The following PPP4R1 variants were observed in gnomAD, a reference collection of about 807,000 sequenced individuals.
PPP4R1 encodes the protein protein phosphatase 4 regulatory subunit 1.
In PPP4R1, 42 loss-of-function variants were observed where a neutral mutation model predicts 111.2. The ratio of observed to expected loss-of-function variants is 0.38; its 90% CI spans 0.29 to 0.49. The LOEUF (loss-of-function observed/expected upper bound fraction) is 0.49. Among genes scored for constraint, PPP4R1 ranks in the 20% least tolerant of loss-of-function variants. PPP4R1 has a pLI of 0.97. For missense variants in PPP4R1, 1,012 were observed against 1,161.6 expected (o/e 0.87, Z 1.87); for synonymous variants, 409 against 405.5 (o/e 1.01, Z -0.10).
intron 2 of PPP4R1, among the ~76,000 whole-genome samples, chr18:9,597,400 A>G (rs1448212743): frequency 6.6e-6 from 1 of 152,234 alleles, no homozygotes; most frequent in East Asian, 1.9e-4. Context: ...AGTATCAGAG[A>G]GGAGGGACCT....
In PPP4R1 at chr18:9,549,246, G is replaced by A. The variant is rs761567359; in HGVS notation, c.2640C>T (p.Asn880=). Residue 880 remains asparagine, a synonymous_variant, in exon 19 of 20, where the codon AAC becomes AAT. Coordinates refer to ENST00000400556, the MANE Select transcript of PPP4R1 (RefSeq NM_001042388.3). Reference sequence around the variant, plus strand: ...ATGTCTTTGCAAGCAGCACTCGCACGTTAGGAACCCTGTCATTTGCTAAGG... The same window carrying A: ...ATGTCTTTGCAAGCAGCACTCGCACATTAGGAACCCTGTCATTTGCTAAGG... The part of the protein sequence containing the change: ...LLTLANDRVP[N]VRVLLAKTLR... 1.4e-5 allele frequency: 22 copies of A among 1,613,920 alleles called. No homozygotes were observed. The highest frequency in any genetic ancestry group is 1.2e-4 in the African/African-American group (9 of 74,914).
intron 15 of PPP4R1, among the ~76,000 whole-genome samples, chr18:9,554,749 G>A (rs1000406362): frequency 6.6e-6 from 1 of 152,192 alleles, no homozygotes; most frequent in Non-Finnish European, 1.5e-5. Flanking sequence ...GCTGACTCCA[G>A]GCTGGGACAG....
At chr18:9,576,394 ATATAT>A (rs1311965071) in intron 10 of PPP4R1, among the ~76,000 whole-genome samples, 3 of 152,012 alleles carry the variant, frequency 2.0e-5, no homozygotes, top group Non-Finnish European at 4.4e-5. Flanking sequence ...TCCCCTAAAT[ATATAT>A]TATAATAAAT....
intron 13 of PPP4R1, among the ~76,000 whole-genome samples, chr18:9,561,218 C>CTAATAATAATAATAA (rs111924050): frequency 6.5e-5 from 9 of 139,112 alleles, no homozygotes; most frequent in Admixed American, 3.6e-4. Context: ...GACTCCATCT[C>CTAATAATAATAATAA]TAATAATAAT....
intron 2 of PPP4R1, among the ~76,000 whole-genome samples, chr18:9,607,783 C>CTT (rs59033925): frequency 1.1e-4 from 14 of 125,336 alleles, no homozygotes; most frequent in Middle Eastern, 4.3e-3. Context: ...TTCTTTCTTT[C>CTT]TTTTTTTTTT....
intron 8 of PPP4R1, among the ~76,000 whole-genome samples, chr18:9,584,258 T>C (rs1482328703): frequency 1.3e-5 from 2 of 152,178 alleles, no homozygotes; most frequent in Admixed American, 1.3e-4. Context: ...TAAGTAAGAA[T>C]TGATTTGCTT....
intron 11 of PPP4R1, among the ~76,000 whole-genome samples, chr18:9,568,967 A>T (rs1252510915): frequency 1.3e-5 from 2 of 151,910 alleles, no homozygotes; most frequent in Non-Finnish European, 2.9e-5. Flanking sequence ...CCCAGGAGGC[A>T]GTGGTTGCAG....
At chr18:9,595,200 ATGTACCCCTTGC>A in intron 2 of PPP4R1, 47 bp from the exon 3 acceptor site, 1 of 1,583,344 alleles carries the variant, frequency 6.3e-7, no homozygotes, top group East Asian at 2.2e-5. Context: ...TGAAACTAAA[ATGTACCCCTTGC>A]CTGTCTGAAG....
rs569652171 is a variant in PPP4R1 at position 9,572,267 on chromosome 18, T to C, written c.1047-1584A>G. Among the ~76,000 whole-genome samples the C allele has an allele frequency of 2.0e-5, 3 of 152,036 alleles. No homozygotes were observed. In the East Asian group the frequency reaches 5.8e-4, roughly 29 times the overall value. ...CTGACATATGCGGAGGCAACAAGTA[T>C]TAATAAAGAATAACACAACTGCATA... On this transcript the variant is annotated intron_variant, in intron 10 of 19. Coordinates refer to ENST00000400556, the MANE Select transcript of PPP4R1 (RefSeq NM_001042388.3).
intron 11 of PPP4R1, among the ~76,000 whole-genome samples, chr18:9,566,657 AC>A (rs2066771630): frequency 1.5e-5 from 1 of 66,060 alleles, no homozygotes; most frequent in African/African-American, 6.7e-5. Flanking sequence ...TGACACACAC[AC>A]ACACACACAC....
chr18:9,551,869 C>T, intron 16 of PPP4R1: 1 of 152,520 alleles, frequency 6.6e-6, no homozygotes, highest in Non-Finnish European at 1.5e-5. Flanking sequence ...GGTACCCCAG[C>T]TGCCACCCTC....
rs144473999 is a variant in PPP4R1, at chr18:9,578,946, T to C, written c.919-1755A>G. 5.4e-3 allele frequency among the ~76,000 whole-genome samples: 822 copies of C among 152,332 alleles called. 5 individuals are homozygous for C. The highest frequency in any genetic ancestry group is 8.8e-3 in the Non-Finnish European group (597 of 68,020). On this transcript the variant is annotated intron_variant, in intron 9 of 19. Transcript: ENST00000400556. ...TAAAGGACATAGAAAACTTAATTTATCTAAATCATTAGTTTAGCTTGTTGT... is the reference window on the plus strand; with the variant it reads ...TAAAGGACATAGAAAACTTAATTTACCTAAATCATTAGTTTAGCTTGTTGT...
chr18:9,558,553 T>C (rs960846975), intron 14 of PPP4R1, among the ~76,000 whole-genome samples: 19 of 152,268 alleles, frequency 1.2e-4, no homozygotes, highest in Non-Finnish European at 2.9e-5. Flanking sequence ...CCTAACCTCA[T>C]AGGTCAAAGG....
chr18:9,608,831 G>A (rs2067528454), intron 2 of PPP4R1, among the ~76,000 whole-genome samples: 2 of 152,298 alleles, frequency 1.3e-5, no homozygotes, highest in Middle Eastern at 3.4e-3. Flanking sequence ...ATTGTTTTGA[G>A]GAGACTGAGA....
At chr18:9,569,562 G>A (rs1173634088) in intron 11 of PPP4R1, among the ~76,000 whole-genome samples, 3 of 152,166 alleles carry the variant, frequency 2.0e-5, no homozygotes, top group Non-Finnish European at 4.4e-5. Flanking sequence ...AACTTTCAAA[G>A]AGAGTGATTT....
intron 11 of PPP4R1, among the ~76,000 whole-genome samples, chr18:9,567,689 ACT>A (rs2066791392): frequency 6.6e-6 from 1 of 152,178 alleles, no homozygotes; most frequent in Non-Finnish European, 1.5e-5. Flanking sequence ...GAGAAGACTG[ACT>A]CTAATTTTTA....
At chr18:9,617,029 G>C (rs2067694224), upstream of PPP4R1, 1 of 152,178 alleles carries the variant, frequency 6.6e-6, no homozygotes, top group Admixed American at 6.5e-5. Context: ...AAAGAAAGGA[G>C]TTTTTAAACC....
chr18:9,583,373 T>A (rs2067063362), intron 8 of PPP4R1, 98 bp from the exon 9 acceptor site: 1 of 1,224,664 alleles, frequency 8.2e-7, no homozygotes, highest in East Asian at 2.8e-5. Context: ...CTTTTGTTTG[T>A]TTGTTTGTTT....
intron 2 of PPP4R1, among the ~76,000 whole-genome samples, chr18:9,611,733 C>T (rs1018067491): frequency 7.2e-5 from 11 of 152,310 alleles, no homozygotes; most frequent in Admixed American, 2.0e-4. Context: ...TAGTTGCAGC[C>T]GGGCGCAGTG....
Sources: allele counts gnomAD v4.1 joint callset (sites outside exome capture counted in the v4.1 genomes callset), GRCh38; gene constraint gnomAD v4.1.1; transcripts MANE v1.5; gene names NCBI Gene and HGNC (gene_info 2026-07-23, HGNC 2026-07-21).